Variants in KCNQ1 observed in about 807,000 individuals in gnomAD.
KCNQ1 encodes potassium voltage-gated channel subfamily KQT member 1.
A neutral mutation model predicts 72.4 loss-of-function variants in KCNQ1; 49 were observed. The observed-to-expected ratio is 0.68, with a 90% CI of 0.54 to 0.86. The LOEUF (loss-of-function observed/expected upper bound fraction) is 0.86, where lower values mean the gene tolerates loss of function less well. Among genes scored for constraint, KCNQ1 ranks in the 40% least tolerant of loss-of-function variants. The pLI, the probability that KCNQ1 is intolerant of heterozygous loss-of-function variation, is 0.00. For synonymous variants in KCNQ1, 450 were observed against 412.6 expected (o/e 1.09, Z -1.10); for missense variants, 790 against 945.1 (o/e 0.84, Z 2.15).
intron 15 of KCNQ1, among the ~76,000 whole-genome samples, chr11:2,832,600 C>A (rs1258373323): frequency 6.6e-6 from 1 of 152,208 alleles, no homozygotes; most frequent in African/African-American, 2.4e-5. Context: ...CGCCAAGCAC[C>A]CTGCTGCCTG....
Position 2,683,960 on chromosome 11 carries a change from CTTTTT to C in KCNQ1, c.1514+21889_1514+21893del, listed in dbSNP as rs560196106. 1 of 386,908 alleles carries C rather than the reference CTTTTT, an allele frequency of 2.6e-6. No homozygotes were observed. The highest frequency in any genetic ancestry group is 4.5e-6 in the Non-Finnish European group (1 of 221,128). The allele number at this position is 386,908 out of a possible 1,614,324, so 24.0% of individuals were successfully genotyped here. A position where few individuals can be genotyped will look rare whatever the true frequency, so the allele number is the denominator to read the frequency against. On this transcript the variant is annotated intron_variant, in intron 11 of 15. Transcript: ENST00000155840. This position sits in a 1 kb window ranked among gnomAD's most constrained non-coding sequence, Gnocchi z 4.7. ...AGACAAAACCAGCTGACTGCTTTTA[CTTTTT>C]TTTTTTTTTCATTTAGAAGAATTTC...
Position 2,762,692 on chromosome 11 carries a change from G to A in KCNQ1, c.1515-6152G>A, listed in dbSNP as rs1344430634. On this transcript the variant is annotated intron_variant, in intron 11 of 15. Coordinates refer to ENST00000155840, the MANE Select transcript of KCNQ1 (RefSeq NM_000218.3). The surrounding 1 kb of genome is among the most constrained non-coding windows in gnomAD (Gnocchi z 4.3). The stretch of plus-strand genomic sequence containing the variant: ...GTGGTGGCATTAGATTCTCGCAGGA[G>A]CGCGAACCCTGTTGTGAATGCACAT... Among the ~76,000 whole-genome samples the A allele has an allele frequency of 1.3e-5, 2 of 152,236 alleles. No homozygotes were observed. The highest frequency in any genetic ancestry group is 2.9e-5 in the Non-Finnish European group (2 of 68,048).
At chr11:2,553,316 T>G (rs886486195) in intron 2 of KCNQ1, among the ~76,000 whole-genome samples, 4 of 152,154 alleles carry the variant, frequency 2.6e-5, no homozygotes, top group Non-Finnish European at 5.9e-5. Context: ...TGTCTGCCAG[T>G]GGGGAGAGGG....
chr11:2,626,851 A>G lies in KCNQ1; in HGVS notation c.1394-35110A>G. On this transcript the variant is annotated intron_variant, in intron 10 of 15. Transcript: ENST00000155840. The surrounding 1 kb of genome is among the most constrained non-coding windows in gnomAD (Gnocchi z 4.0). ...CCTGTAGTAAGTTTTCAAATCAGAA[A>G]GTGTGAGTCCTCCAATGTTGTTCAT... The G allele has an allele frequency of 2.5e-6, 1 of 398,600 alleles. No individual in the cohort carries two copies. The highest frequency in any genetic ancestry group is 1.3e-4 in the South Asian group (1 of 7,854). 24.7% of individuals were successfully genotyped at this position (398,600 alleles called of 1,614,324 possible).
chr11:2,513,965 C>T (rs2133620823), intron 1 of KCNQ1, among the ~76,000 whole-genome samples: 1 of 152,344 alleles, frequency 6.6e-6, no homozygotes, highest in South Asian at 2.1e-4. Context: ...CCCATGCTGG[C>T]TCACCCAGCT....
chr11:2,713,909 C>T lies in KCNQ1; in HGVS notation c.1514+51828C>T, dbSNP rs746648094. Among the ~76,000 whole-genome samples, 6 of 152,392 alleles carry T rather than the reference C, an allele frequency of 3.9e-5. No individual in the cohort carries two copies. Among genetic ancestry groups the T allele is most frequent in the South Asian group, 2.1e-4 (1 of 4,832 alleles). ...GCCCTGCAGACACGATGGCCCAGCA[C>T]GCCGCTCACTGCCGCGCCTTTGTTC... On this transcript the variant is annotated intron_variant, in intron 11 of 15. Coordinates refer to ENST00000155840, the MANE Select transcript of KCNQ1 (RefSeq NM_000218.3). This position sits in a 1 kb window ranked among gnomAD's most constrained non-coding sequence, Gnocchi z 5.6.
At position 2,777,923 on chromosome 11, in the gene KCNQ1, T is replaced by C. The variant is rs111502421; in HGVS notation, c.1733-53T>C. 4.3e-3 allele frequency: 6,735 copies of C among 1,571,378 alleles called. 236 individuals carry two copies. The African/African-American group carries it at 0.078, about 18-fold the overall frequency. ...CCCCACTTCCCAAGCCCAGCTGGGGTCCCCGGCCCACCCCAGCACTTGGCC... is the reference window on the plus strand; with the variant it reads ...CCCCACTTCCCAAGCCCAGCTGGGGCCCCCGGCCCACCCCAGCACTTGGCC... On this transcript the variant is annotated intron_variant, in intron 14 of 15. Transcript: ENST00000155840.
At chr11:2,832,664 G>C (rs1408674847) in intron 15 of KCNQ1, among the ~76,000 whole-genome samples, 1 of 152,214 alleles carries the variant, frequency 6.6e-6, no homozygotes, top group Non-Finnish European at 1.5e-5. Context: ...CCTCCCCGGA[G>C]CATGTTCCCT....
intron 6 of KCNQ1, 99 bp from the exon 7 acceptor site, chr11:2,583,336 G>A (rs974398385): frequency 7.1e-6 from 6 of 849,906 alleles, no homozygotes; most frequent in Admixed American, 1.7e-5. Flanking sequence ...GTCTCTTGCC[G>A]GCCTCTCCGC....
Position 2,645,093 on chromosome 11 carries a change from G to A in KCNQ1, c.1394-16868G>A. 1 of 398,668 alleles carries A rather than the reference G, an allele frequency of 2.5e-6. No individual in the cohort carries two copies. Among genetic ancestry groups the A allele is most frequent in the Non-Finnish European group, 4.4e-6 (1 of 226,112 alleles). 24.7% of individuals were successfully genotyped at this position (398,668 alleles called of 1,614,324 possible). Reference sequence around the variant, plus strand: ...GGCCACAGGGTGGGTAGGTCCTTGAGCTCTGAGCAGCAGATATGGCTTGGG... The same window carrying A: ...GGCCACAGGGTGGGTAGGTCCTTGAACTCTGAGCAGCAGATATGGCTTGGG... On this transcript the variant is annotated intron_variant, in intron 10 of 15. Transcript: ENST00000155840. This position sits in a 1 kb window ranked among gnomAD's most constrained non-coding sequence, Gnocchi z 5.8.
chr11:2,571,131 C>T (rs1848326849), intron 3 of KCNQ1, among the ~76,000 whole-genome samples, 194 bp from the exon 4 acceptor site: 1 of 152,202 alleles, frequency 6.6e-6, no homozygotes, highest in South Asian at 2.1e-4. Flanking sequence ...TCCACATGGC[C>T]AGGACAGAGG....
intron 10 of KCNQ1, chr11:2,618,768 T>C: frequency 2.5e-6 from 1 of 398,498 alleles, no homozygotes; most frequent in Non-Finnish European, 4.4e-6. Flanking sequence ...GTATATTGAT[T>C]TGGATATTAT....
At chr11:2,539,336 G>T (rs1018455825) in intron 2 of KCNQ1, among the ~76,000 whole-genome samples, 1 of 152,170 alleles carries the variant, frequency 6.6e-6, no homozygotes, top group African/African-American at 2.4e-5. Context: ...GGGCCCTGTC[G>T]GCTGGTTCCA....
intron 11 of KCNQ1, chr11:2,666,680 G>T (rs1391265857): frequency 1.0e-5 from 4 of 398,568 alleles, no homozygotes; most frequent in Admixed American, 4.4e-5. Context: ...GACCAGCTTG[G>T]CCTGGGACAT....
In KCNQ1 at chr11:2,769,895, C is replaced by T. The variant is rs769807290; in HGVS notation, c.1590+976C>T. On this transcript the variant is annotated intron_variant, in intron 12 of 15. Coordinates refer to ENST00000155840, the MANE Select transcript of KCNQ1 (RefSeq NM_000218.3). The surrounding 1 kb of genome is among the most constrained non-coding windows in gnomAD (Gnocchi z 4.6). ...CAGCCCAGGAAGGCTCAGCAATGTC[C>T]GCCGACCACCAGGACCCACAGTCGG... Among the ~76,000 whole-genome samples, 4 of 152,108 alleles carry T rather than the reference C, an allele frequency of 2.6e-5. No individual in the cohort carries two copies. Among genetic ancestry groups the T allele is most frequent in the Non-Finnish European group, 4.4e-5 (3 of 68,010 alleles).
chr11:2,654,651 G>A lies in KCNQ1; in HGVS notation c.1394-7310G>A, dbSNP rs1455161384. 5.0e-6 allele frequency: 2 copies of A among 398,816 alleles called. No individual in the cohort carries two copies. Among genetic ancestry groups the A allele is most frequent in the African/African-American group, 2.1e-5 (1 of 48,622 alleles). The allele number at this position is 398,816 out of a possible 1,614,324, so 24.7% of individuals were successfully genotyped here. On this transcript the variant is annotated intron_variant, in intron 10 of 15. Coordinates refer to ENST00000155840, the MANE Select transcript of KCNQ1 (RefSeq NM_000218.3). This position sits in a 1 kb window ranked among gnomAD's most constrained non-coding sequence, Gnocchi z 6.4. ...CAGACACTGGCGAGAGTCTCTTGAG[G>A]GCAGAGGGCAGCAGAGATGGGCTGG...
In KCNQ1 at chr11:2,699,508, GC is replaced by G. The variant is rs997937565; in HGVS notation, c.1514+37432del. The G allele has an allele frequency of 7.3e-5, 13 of 178,114 alleles. 1 individual carries two copies. Among genetic ancestry groups the G allele is most frequent in the Non-Finnish European group, 1.1e-4 (12 of 111,758 alleles). The allele number at this position is 178,114 out of a possible 1,614,324, so 11.0% of individuals were successfully genotyped here. A position where few individuals can be genotyped will look rare whatever the true frequency, so the allele number is the denominator to read the frequency against. On this transcript the variant is annotated intron_variant, in intron 11 of 15. Transcript: ENST00000155840. Reference sequence around the variant, plus strand: ...CCCGGGGAGAGTGCCGCGCTGAGGAGCCCCCAGGAGAGTGCCGCGCTGAGGA... The same window carrying G: ...CCCGGGGAGAGTGCCGCGCTGAGGAGCCCCAGGAGAGTGCCGCGCTGAGGA...
At chr11:2,754,814 A>C (rs1047651290) in intron 11 of KCNQ1, among the ~76,000 whole-genome samples, 3 of 152,272 alleles carry the variant, frequency 2.0e-5, no homozygotes, top group Non-Finnish European at 4.4e-5. Flanking sequence ...TTTACAAGAC[A>C]CAAAAGCATT....
chr11:2,495,753 CCA>C lies in KCNQ1; in HGVS notation c.387-32174_387-32173del, dbSNP rs1211060613. Reference sequence around the variant, plus strand: ...GCATTTGCTGAGGAGTGTTTTACTTCCAGTTATGTGGTCAATTTTAGAATAAG... The same window carrying C: ...GCATTTGCTGAGGAGTGTTTTACTTCGTTATGTGGTCAATTTTAGAATAAG... On this transcript the variant is annotated intron_variant, in intron 1 of 15. Transcript: ENST00000155840. This position sits in a 1 kb window ranked among gnomAD's most constrained non-coding sequence, Gnocchi z 4.6. Among the ~76,000 whole-genome samples, 1 of 152,128 alleles carries C rather than the reference CCA, an allele frequency of 6.6e-6. No homozygotes were observed. Among genetic ancestry groups the C allele is most frequent in the Non-Finnish European group, 1.5e-5 (1 of 68,030 alleles).
Sources: allele counts gnomAD v4.1 joint callset (sites outside exome capture counted in the v4.1 genomes callset), GRCh38; gene constraint gnomAD v4.1.1; non-coding constraint Gnocchi (gnomAD v3.1); transcripts MANE v1.5; gene names NCBI Gene and HGNC (gene_info 2026-07-23, HGNC 2026-07-21).